The following DPP10 variants were observed in gnomAD, a reference collection of about 807,000 sequenced individuals.
DPP10 encodes the protein dipeptidyl peptidase like 10, also known as inactive dipeptidyl peptidase 10.
In DPP10, 33 loss-of-function variants were observed where a neutral mutation model predicts 120.9. The observed-to-expected ratio is 0.27, with a 90% CI of 0.21 to 0.37. The LOEUF (loss-of-function observed/expected upper bound fraction) is 0.37, where lower values mean the gene tolerates loss of function less well. Among genes scored for constraint, DPP10 ranks in the 10% least tolerant of loss-of-function variants. DPP10 has a pLI of 1.00. For synonymous variants in DPP10, 337 were observed against 326.1 expected, an observed-to-expected ratio of 1.03 and a Z score of -0.36; for missense variants, 816 against 942.8, an observed-to-expected ratio of 0.87 and a Z score of 1.76.
intron 1 of DPP10, among the ~76,000 whole-genome samples, chr2:115,221,676 A>G (rs1384609972): frequency 1.3e-5 from 2 of 151,874 alleles, no homozygotes; most frequent in Non-Finnish European, 2.9e-5. Context: ...CATGGACACT[A>G]GAAGAGATTT....
At chr2:114,476,834 G>A (rs563734836) in intron 1 of DPP10, among the ~76,000 whole-genome samples, 1 of 152,232 alleles carries the variant, frequency 6.6e-6, no homozygotes, top group East Asian at 1.9e-4. Flanking sequence ...CCCAGCTAAA[G>A]AAACAGAACA....
chr2:115,808,872 C>T (rs1041637319), intron 19 of DPP10, among the ~76,000 whole-genome samples: 8 of 152,058 alleles, frequency 5.3e-5, no homozygotes, highest in African/African-American at 1.4e-4. Flanking sequence ...TCATAATCAC[C>T]GCCAGAAAGA....
rs1244821811 is a variant in DPP10, at chr2:115,279,622, C to CT, written c.61-29611dup. On this transcript the variant is annotated intron_variant, in intron 1 of 25. Coordinates refer to ENST00000410059, the MANE Select transcript of DPP10 (RefSeq NM_020868.6). The stretch of plus-strand genomic sequence containing the variant: ...AGCATTTTTCTTTTTTTTCTTTTAT[C>CT]TTTTTTCTTTCTTTCTTTCTTTTTT... 3.6e-5 allele frequency among the ~76,000 whole-genome samples: 3 copies of CT among 83,316 alleles called. No individual in the cohort carries two copies. In the East Asian group the frequency reaches 9.9e-4, roughly 28 times the overall value. The allele number at this position is 83,316 out of a possible 152,430, so 54.7% of individuals were successfully genotyped here.
chr2:115,518,341 C>A (rs1433051400), intron 4 of DPP10, among the ~76,000 whole-genome samples: 1 of 152,004 alleles, frequency 6.6e-6, no homozygotes, highest in Non-Finnish European at 1.5e-5. Context: ...CCTATGTTTT[C>A]TCCTATTTTT....
chr2:115,776,219 G>A (rs1053513596), intron 13 of DPP10, among the ~76,000 whole-genome samples: 5 of 152,018 alleles, frequency 3.3e-5, no homozygotes, highest in African/African-American at 1.2e-4. Flanking sequence ...TGTTACATAG[G>A]TATACACGTG....
chr2:115,345,189 T>C (rs2063649077), intron 3 of DPP10, among the ~76,000 whole-genome samples: 1 of 152,220 alleles, frequency 6.6e-6, no homozygotes, highest in Non-Finnish European at 1.5e-5. Flanking sequence ...TAAGTGTGTA[T>C]TGTGATGATA....
intron 2 of DPP10, among the ~76,000 whole-genome samples, chr2:115,336,099 C>T (rs2063112342): frequency 6.6e-6 from 1 of 151,974 alleles, no homozygotes; most frequent in African/African-American, 2.4e-5. Context: ...GAACCAAGAA[C>T]TTAAAGTCAT....
chr2:115,576,361 A>G (rs906445509), intron 5 of DPP10, among the ~76,000 whole-genome samples: 9 of 152,234 alleles, frequency 5.9e-5, no homozygotes, highest in South Asian at 4.1e-4. Context: ...TTGGCAAATA[A>G]ATTCTGCTAA....
chr2:115,038,138 G>A (rs1481845075), intron 1 of DPP10, among the ~76,000 whole-genome samples: 3 of 152,148 alleles, frequency 2.0e-5, no homozygotes, highest in African/African-American at 7.2e-5. Flanking sequence ...TTGCCTGGTG[G>A]AGGGGCATAT....
chr2:115,266,901 T>TG (rs1441180537), intron 1 of DPP10, among the ~76,000 whole-genome samples: 5 of 152,262 alleles, frequency 3.3e-5, no homozygotes, highest in South Asian at 2.1e-4. Flanking sequence ...TTATTCATTT[T>TG]GGGGGGGAGA....
chr2:114,765,529 G>A (rs1025510474), intron 1 of DPP10, among the ~76,000 whole-genome samples: 3 of 152,168 alleles, frequency 2.0e-5, no homozygotes, highest in Non-Finnish European at 4.4e-5. Context: ...CATTGTGGCC[G>A]AGGACAGGCT....
At chr2:115,290,764 A>T (rs1322293614) in intron 1 of DPP10, among the ~76,000 whole-genome samples, 1 of 152,146 alleles carries the variant, frequency 6.6e-6, no homozygotes, top group Admixed American at 6.5e-5. Context: ...ATCAATAATC[A>T]TGCACTTGCA....
chr2:115,245,164 C>T (rs765797363), intron 1 of DPP10, among the ~76,000 whole-genome samples: 11 of 151,996 alleles, frequency 7.2e-5, no homozygotes, highest in African/African-American at 1.2e-4. Flanking sequence ...TTGCTATAAA[C>T]GCCATTATTT....
chr2:115,201,590 G>A (rs1559231048), intron 1 of DPP10, among the ~76,000 whole-genome samples: 1 of 152,298 alleles, frequency 6.6e-6, no homozygotes, highest in East Asian at 1.9e-4. Flanking sequence ...ATTGTGTCTA[G>A]ACATAAACAG....
intron 1 of DPP10, among the ~76,000 whole-genome samples, chr2:114,581,446 G>A (rs1217413877): frequency 1.3e-5 from 2 of 151,984 alleles, no homozygotes; most frequent in Non-Finnish European, 2.9e-5. Context: ...GCCTCCCAAA[G>A]TGCTGAGATT....
chr2:114,791,734 AG>A (rs2106240741), intron 1 of DPP10, among the ~76,000 whole-genome samples: 1 of 152,330 alleles, frequency 6.6e-6, no homozygotes, highest in South Asian at 2.1e-4. Flanking sequence ...GGGAACAAAA[AG>A]GACAGTGAGT....
chr2:114,531,248 C>A (rs1685954523), intron 1 of DPP10, among the ~76,000 whole-genome samples: 1 of 152,034 alleles, frequency 6.6e-6, no homozygotes, highest in Admixed American at 6.6e-5. Flanking sequence ...ACAACCAAAA[C>A]CTAGTTTCCT....
At chr2:115,544,502 G>A (rs1248327177) in intron 5 of DPP10, among the ~76,000 whole-genome samples, 3 of 152,044 alleles carry the variant, frequency 2.0e-5, no homozygotes, top group Non-Finnish European at 2.9e-5. Flanking sequence ...CCTGGTCAAG[G>A]TTTTAAACCT....
chr2:114,747,466 G>A (rs976379503), intron 1 of DPP10, among the ~76,000 whole-genome samples: 1 of 152,134 alleles, frequency 6.6e-6, no homozygotes, highest in African/African-American at 2.4e-5. Flanking sequence ...GCATTCAACT[G>A]TGTTGATATA....
Sources: allele counts gnomAD v4.1 joint callset (sites outside exome capture counted in the v4.1 genomes callset), GRCh38; gene constraint gnomAD v4.1.1; transcripts MANE v1.5; gene names NCBI Gene and HGNC (gene_info 2026-07-23, HGNC 2026-07-21).